The following ASPH variants were observed in gnomAD, a reference collection of about 807,000 sequenced individuals.
The protein encoded by ASPH is aspartate beta-hydroxylase, also known as aspartyl/asparaginyl beta-hydroxylase.
ASPH carries 100 observed loss-of-function variants against 118.4 expected under a neutral mutation model. That is an observed-to-expected ratio of 0.84 (90% CI 0.72 to 1.00). The LOEUF (loss-of-function observed/expected upper bound fraction) is 1.00, where lower values mean the gene tolerates loss of function less well. Among genes scored for constraint, ASPH ranks in the 50% least tolerant of loss-of-function variants. ASPH has a pLI of 0.00. For missense variants in ASPH, 920 were observed against 919.5 expected, an observed-to-expected ratio of 1.00 and a Z score of -0.01; for synonymous variants, 315 against 325.6, an observed-to-expected ratio of 0.97 and a Z score of 0.35.
intron 1 of ASPH, among the ~76,000 whole-genome samples, chr8:61,686,472 G>A (rs1830586734): frequency 6.6e-6 from 1 of 152,138 alleles, no homozygotes; most frequent in Non-Finnish European, 1.5e-5. Flanking sequence ...GTAAGCTTCT[G>A]TGAGGTCAGG....
chr8:61,559,996 G>A (rs1347144148), intron 18 of ASPH, among the ~76,000 whole-genome samples: 3 of 152,182 alleles, frequency 2.0e-5, no homozygotes, highest in Non-Finnish European at 4.4e-5. Flanking sequence ...GGCAAGAGAT[G>A]ACGGGTGCTT....
At chr8:61,602,198 A>C (rs1478931374) in intron 14 of ASPH, among the ~76,000 whole-genome samples, 2 of 151,412 alleles carry the variant, frequency 1.3e-5, no homozygotes, top group African/African-American at 4.9e-5. Context: ...CAGATGTAAA[A>C]AACTTCTTAT....
intron 20 of ASPH, 125 bp downstream of exon 20, chr8:61,552,906 G>T: frequency 1.3e-6 from 1 of 772,818 alleles, no homozygotes; most frequent in Non-Finnish European, 2.1e-6. Flanking sequence ...TAACTAAATA[G>T]TTTATATCAC....
At chr8:61,583,208 G>A (rs976454367) in intron 15 of ASPH, 4 of 151,834 alleles carry the variant, frequency 2.6e-5, no homozygotes, top group Admixed American at 1.3e-4. Context: ...GCATCAAGGA[G>A]CTATAAAATT....
intron 16 of ASPH, among the ~76,000 whole-genome samples, chr8:61,573,490 A>G (rs1339822484): frequency 6.6e-6 from 1 of 152,232 alleles, no homozygotes; most frequent in Non-Finnish European, 1.5e-5. Context: ...TAACCAAAAC[A>G]GCATTGTACT....
intron 24 of ASPH, among the ~76,000 whole-genome samples, chr8:61,515,406 C>G (rs1308212877): frequency 6.6e-6 from 1 of 152,198 alleles, no homozygotes; most frequent in Non-Finnish European, 1.5e-5. Context: ...CCTGATTCCT[C>G]CTCCTGGTCT....
chr8:61,670,337 G>C (rs1181524507), intron 3 of ASPH, among the ~76,000 whole-genome samples: 1 of 151,432 alleles, frequency 6.6e-6, no homozygotes, highest in African/African-American at 2.4e-5. Flanking sequence ...ATCAGTTTTA[G>C]GAAGGAAGAC....
chr8:61,585,394 A>T (rs562245873), intron 14 of ASPH, among the ~76,000 whole-genome samples: 7 of 152,160 alleles, frequency 4.6e-5, no homozygotes, highest in Non-Finnish European at 1.0e-4. Flanking sequence ...AGGGATAGAG[A>T]CGAATTAAAA....
At chr8:61,671,015 G>A (rs1481417859) in intron 3 of ASPH, among the ~76,000 whole-genome samples, 1 of 152,146 alleles carries the variant, frequency 6.6e-6, no homozygotes, top group African/African-American at 2.4e-5. Flanking sequence ...CTCAGTACAG[G>A]TAACTTTATA....
Position 61,514,324 on chromosome 8 carries a change from T to C in ASPH, c.2126+3204A>G, listed in dbSNP as rs191744258. Among the ~76,000 whole-genome samples the C allele has an allele frequency of 9.7e-4, 147 of 151,936 alleles. No homozygotes were observed. The East Asian group carries it at 0.027, about 28-fold the overall frequency. On this transcript the variant is annotated intron_variant, in intron 24 of 24. Transcript: ENST00000379454. ...TATGCCTAAGTAGATTTTTTTTTTT[T>C]TTAATTTTAGACAGGGTCTTGCTGT...
intron 15 of ASPH, among the ~76,000 whole-genome samples, chr8:61,577,397 C>T (rs1398102483): frequency 2.9e-4 from 12 of 40,918 alleles, no homozygotes; most frequent in Middle Eastern, 0.015. Context: ...TGCCCAATCT[C>T]GCAAAAAAAA....
chr8:61,561,159 C>G (rs1020025492), intron 18 of ASPH, among the ~76,000 whole-genome samples: 5 of 140,302 alleles, frequency 3.6e-5, no homozygotes, highest in Non-Finnish European at 7.6e-5. Flanking sequence ...AGGAATTCTA[C>G]AAGTTCCATT....
rs564839359 is a variant in ASPH at position 61,661,954 on chromosome 8, TA to T, written c.323-8295del. ...ATAAAATAAAATTGAAAGACTTGTT[TA>T]AAAAAAAAATTCAAAAGAGTGGCTA... On this transcript the variant is annotated intron_variant, in intron 3 of 24. Transcript: ENST00000379454. 2,171 of 421,376 alleles carry T rather than the reference TA, an allele frequency of 5.2e-3. 10 individuals carry two copies. The highest frequency in any genetic ancestry group is 9.2e-3 in the South Asian group (158 of 17,202). The allele number at this position is 421,376 out of a possible 1,614,324, so 26.1% of individuals were successfully genotyped here.
intron 20 of ASPH, among the ~76,000 whole-genome samples, chr8:61,548,879 A>G (rs1386325061): frequency 1.3e-5 from 2 of 152,200 alleles, no homozygotes; most frequent in Non-Finnish European, 2.9e-5. Flanking sequence ...TAGCTGCAAC[A>G]TGATACTACT....
At chr8:61,688,747 A>G (rs1317306306) in intron 1 of ASPH, among the ~76,000 whole-genome samples, 1 of 152,164 alleles carries the variant, frequency 6.6e-6, no homozygotes, top group Non-Finnish European at 1.5e-5. Flanking sequence ...ATCAGATGCA[A>G]CAGCTGATTT....
intron 13 of ASPH, among the ~76,000 whole-genome samples, chr8:61,619,529 C>A (rs1393707929): frequency 6.6e-6 from 1 of 152,154 alleles, no homozygotes; most frequent in Non-Finnish European, 1.5e-5. Context: ...GGAGCTTGTG[C>A]TGAAGCCCAG....
chr8:61,705,257 G>A (rs1191495544), intron 1 of ASPH, among the ~76,000 whole-genome samples: 1 of 152,096 alleles, frequency 6.6e-6, no homozygotes, highest in African/African-American at 2.4e-5. Context: ...GGTGGAGGGT[G>A]GGAGGAAGGT....
chr8:61,516,746 G>A (rs935670719), intron 24 of ASPH, among the ~76,000 whole-genome samples: 13 of 152,296 alleles, frequency 8.5e-5, no homozygotes, highest in Middle Eastern at 6.8e-3. Flanking sequence ...GAAAAGACGG[G>A]CATTCTAGGG....
intron 1 of ASPH, 88 bp downstream of exon 1, chr8:61,714,181 G>A (rs1289782042): frequency 4.5e-6 from 6 of 1,343,852 alleles, no homozygotes; most frequent in Non-Finnish European, 5.7e-6. Flanking sequence ...GGTGGGACCT[G>A]GGGAGATGCA....
Sources: gnomAD v4.1 joint callset for allele counts (sites outside exome capture counted in the v4.1 genomes callset) on GRCh38, gnomAD v4.1.1 for gene constraint, MANE v1.5 for transcripts, NCBI Gene and HGNC (gene_info 2026-07-23, HGNC 2026-07-21) for gene names.